The following TRHDE variants were observed in gnomAD, a reference collection of about 807,000 sequenced individuals.
The protein encoded by TRHDE is thyrotropin-releasing hormone-degrading ectoenzyme.
A neutral mutation model predicts 125.7 loss-of-function variants in TRHDE; 72 were observed. The observed-to-expected ratio is 0.57, with a 90% CI of 0.47 to 0.70. The LOEUF (loss-of-function observed/expected upper bound fraction) is 0.70, where lower values mean the gene tolerates loss of function less well. Ranked by LOEUF, TRHDE falls within the 30% of genes least tolerant of loss-of-function variation. The pLI is 0.00. For missense variants in TRHDE, 1,110 were observed against 1,327.1 expected, an observed-to-expected ratio of 0.84 and a Z score of 2.54; for synonymous variants, 509 against 509.1, an observed-to-expected ratio of 1.00 and a Z score of 0.00.
intron 5 of TRHDE, among the ~76,000 whole-genome samples, chr12:72,482,818 A>G (rs1240793231): frequency 1.3e-5 from 2 of 151,992 alleles, no homozygotes; most frequent in African/African-American, 2.4e-5. Flanking sequence ...AATTTGAAGC[A>G]CTTGAATCAT....
chr12:72,591,028 A>T (rs985530551), intron 12 of TRHDE, among the ~76,000 whole-genome samples: 5 of 152,222 alleles, frequency 3.3e-5, no homozygotes, highest in African/African-American at 1.2e-4. Context: ...GGGAAGCCTC[A>T]CGATCATTGC....
chr12:72,625,715 T>G (rs1873230305), intron 15 of TRHDE, among the ~76,000 whole-genome samples: 2 of 151,850 alleles, frequency 1.3e-5, no homozygotes, highest in Admixed American at 1.3e-4. Flanking sequence ...AATTCTAAAT[T>G]TACAAAGGTT....
At chr12:72,585,134 A>G (rs1048191305) in intron 12 of TRHDE, among the ~76,000 whole-genome samples, 1 of 152,138 alleles carries the variant, frequency 6.6e-6, no homozygotes, top group Non-Finnish European at 1.5e-5. Context: ...CTAGTATGGG[A>G]CTATAGCCTC....
At chr12:72,218,249 G>C (rs998527726) in intron 2 of TRHDE, among the ~76,000 whole-genome samples, 2 of 152,158 alleles carry the variant, frequency 1.3e-5, no homozygotes, top group Admixed American at 1.3e-4. Context: ...TTCTGGATCA[G>C]GTATAAATTT....
At chr12:72,227,107 A>G (rs1416556792) in intron 2 of TRHDE, among the ~76,000 whole-genome samples, 1 of 152,230 alleles carries the variant, frequency 6.6e-6, no homozygotes, top group African/African-American at 2.4e-5. Flanking sequence ...TTAGAAATAA[A>G]TAAACTCTTC....
chr12:72,344,270 A>G (rs1038644656), intron 2 of TRHDE, among the ~76,000 whole-genome samples: 9 of 152,162 alleles, frequency 5.9e-5, no homozygotes, highest in African/African-American at 2.2e-4. Flanking sequence ...TCTCTCATAG[A>G]GGTAAAGTGT....
In TRHDE at chr12:72,665,787, A is replaced by C. The variant is rs1156997481; in HGVS notation, c.*2592A>C. 2 of 152,114 alleles carry C rather than the reference A, an allele frequency of 1.3e-5. No individual in the cohort carries two copies. The highest frequency in any genetic ancestry group is 2.9e-5 in the Non-Finnish European group (2 of 67,982). 9.4% of individuals were successfully genotyped at this position (152,114 alleles called of 1,614,324 possible). ...AAAGTAGTTTCAATTAGAAAGGACA[A>C]CATTATTTATCACATTGAGTATTAA... On this transcript the variant is annotated 3_prime_UTR_variant, in exon 19 of 19. Coordinates refer to ENST00000261180, the MANE Select transcript of TRHDE (RefSeq NM_013381.3).
chr12:72,131,488 A>G (rs996128414), intron 2 of TRHDE, among the ~76,000 whole-genome samples: 1 of 152,092 alleles, frequency 6.6e-6, no homozygotes, highest in Admixed American at 6.5e-5. Flanking sequence ...TTTTAAAATT[A>G]TCCCCTTTTC....
chr12:72,250,862 A>ATATATT (rs981275202), intron 2 of TRHDE, among the ~76,000 whole-genome samples: 11 of 144,262 alleles, frequency 7.6e-5, no homozygotes, highest in Non-Finnish European at 1.1e-4. Flanking sequence ...ATATATATAT[A>ATATATT]TTTTATTTTT....
At position 72,204,551 on chromosome 12, in the gene TRHDE, A is replaced by G. The variant is rs138757936; in HGVS notation, n.279+98799A>G. Among the ~76,000 whole-genome samples the G allele has an allele frequency of 7.2e-4, 109 of 152,272 alleles. 1 individual carries two copies. In the East Asian group the frequency reaches 0.017, roughly 23 times the overall value. On this transcript the variant is annotated intron_variant and non_coding_transcript_variant, in intron 2 of 4. Coordinates refer to the TRHDE transcript ENST00000548156. The stretch of plus-strand genomic sequence containing the variant: ...ATTCTTTCCTGAGGTCAAAACTCCT[A>G]ACTTAATTGATTAATTATTTCCAGC...
chr12:72,107,973 T>C (rs1875226620), intron 2 of TRHDE, among the ~76,000 whole-genome samples: 1 of 152,154 alleles, frequency 6.6e-6, no homozygotes, highest in African/African-American at 2.4e-5. Flanking sequence ...CCTTTTGTTT[T>C]GCCTGCTTTC....
intron 2 of TRHDE, among the ~76,000 whole-genome samples, chr12:72,347,801 A>G (rs1177646710): frequency 6.6e-6 from 1 of 152,124 alleles, no homozygotes; most frequent in Non-Finnish European, 1.5e-5. Context: ...GACAGAGCGT[A>G]AGGGAGGAAT....
intron 2 of TRHDE, among the ~76,000 whole-genome samples, chr12:72,330,433 G>A (rs1869540711): frequency 6.6e-6 from 1 of 152,180 alleles, no homozygotes. Context: ...TGAGGGAGCG[G>A]AAGTGTCAGA....
intron 15 of TRHDE, 83 bp downstream of exon 15, chr12:72,621,834 G>A: frequency 3.8e-6 from 4 of 1,053,762 alleles, no homozygotes; most frequent in Admixed American, 5.6e-5. Context: ...TTTACCAACT[G>A]GAGAAAAACA....
intron 2 of TRHDE, among the ~76,000 whole-genome samples, chr12:72,318,091 A>G (rs1868892701): frequency 1.3e-5 from 2 of 152,220 alleles, no homozygotes; most frequent in South Asian, 4.1e-4. Context: ...GACCACCAGT[A>G]ACACATCTTT....
chr12:72,339,717 G>A (rs1023394272), intron 2 of TRHDE, among the ~76,000 whole-genome samples: 2 of 152,064 alleles, frequency 1.3e-5, no homozygotes, highest in African/African-American at 2.4e-5. Context: ...ATTATGTTAG[G>A]CATTGCACAT....
chr12:72,375,521 A>G (rs971227748), intron 2 of TRHDE, among the ~76,000 whole-genome samples: 2 of 152,216 alleles, frequency 1.3e-5, no homozygotes, highest in South Asian at 2.1e-4. Context: ...GTTTCCACCA[A>G]AAACAGGGAA....
intron 2 of TRHDE, among the ~76,000 whole-genome samples, chr12:72,247,870 C>A (rs972339655): frequency 1.3e-5 from 2 of 152,048 alleles, no homozygotes; most frequent in Non-Finnish European, 1.5e-5. Flanking sequence ...TCAATCTATC[C>A]ATTCATCTAT....
At chr12:72,630,326 C>T (rs1873439999) in intron 15 of TRHDE, among the ~76,000 whole-genome samples, 1 of 151,596 alleles carries the variant, frequency 6.6e-6, no homozygotes, top group Admixed American at 6.6e-5. Context: ...GAAAAGTAGT[C>T]AGAGAGAGAT....
Sources: allele counts gnomAD v4.1 joint callset (sites outside exome capture counted in the v4.1 genomes callset), GRCh38; gene constraint gnomAD v4.1.1; transcripts MANE v1.5; gene names NCBI Gene and HGNC (gene_info 2026-07-23, HGNC 2026-07-21).